The following CCDC170 variants were observed in gnomAD, a reference collection of about 807,000 sequenced individuals.
CCDC170 encodes coiled-coil domain-containing protein 170.
CCDC170 carries 69 observed loss-of-function variants against 72.6 expected under a neutral mutation model. The ratio of observed to expected loss-of-function variants is 0.95; its 90% CI spans 0.78 to 1.16. The LOEUF is 1.16. Among genes scored for constraint, CCDC170 ranks in the 50% most tolerant of loss-of-function variants. The pLI is 0.00. For synonymous variants in CCDC170, 300 were observed against 303.9 expected, an observed-to-expected ratio of 0.99 and a Z score of 0.13; for missense variants, 852 against 832.5, an observed-to-expected ratio of 1.02 and a Z score of -0.29.
At chr6:151,525,035 C>T (rs1583009288) in intron 1 of CCDC170, among the ~76,000 whole-genome samples, 1 of 150,828 alleles carries the variant, frequency 6.6e-6, no homozygotes, top group South Asian at 2.1e-4. Flanking sequence ...CAGGTTCACG[C>T]CATTCTCCTG....
chr6:151,533,250 T>C (rs112039661), intron 1 of CCDC170, among the ~76,000 whole-genome samples: 10,731 of 151,130 alleles, frequency 0.071, 1,196 homozygotes, highest in African/African-American at 0.24. Context: ...GAGACGGGGT[T>C]TCACCATGTT....
intron 1 of CCDC170, among the ~76,000 whole-genome samples, chr6:151,499,087 C>T (rs1224870285): frequency 7.2e-6 from 1 of 139,436 alleles, no homozygotes; most frequent in Non-Finnish European, 1.5e-5. Context: ...TGGAATCAGA[C>T]TGTATTTGAC....
At position 151,546,007 on chromosome 6, in the gene CCDC170, G is replaced by T. The variant is rs561235862; in HGVS notation, c.588+1291G>T. On this transcript the variant is annotated intron_variant, in intron 4 of 10. Coordinates refer to ENST00000239374, the MANE Select transcript of CCDC170 (RefSeq NM_025059.4). Reference sequence around the variant, plus strand: ...TGCCCGGGCTAGTCTCTAACTCCTGGGCTCAAGCGGTTCTCCCACCTTGGC... The same window carrying T: ...TGCCCGGGCTAGTCTCTAACTCCTGTGCTCAAGCGGTTCTCCCACCTTGGC... Among the ~76,000 whole-genome samples the T allele has an allele frequency of 3.9e-5, 6 of 151,976 alleles. No homozygotes were observed. The South Asian group carries it at 1.0e-3, about 26-fold the overall frequency.
intron 5 of CCDC170, among the ~76,000 whole-genome samples, chr6:151,566,886 A>G (rs1776144658): frequency 6.6e-6 from 1 of 152,160 alleles, no homozygotes; most frequent in African/African-American, 2.4e-5. Flanking sequence ...GGTTGGATTG[A>G]TGACAATGTT....
At position 151,593,203 on chromosome 6, in the gene CCDC170, C is replaced by G. The variant is rs201819308; in HGVS notation, c.1390C>G (p.Arg464Gly). The part of the protein sequence containing the change: ...FDMRLDVVLA[R>G]TEQLVRLESN... ...CATGCGGCTGGACGTGGTTTTAGCT[C>G]GAACAGAGCAGCTGGTTCGTCTTGA... The change falls in exon 8 of 11, where the codon CGA becomes GGA. Residue 464 changes from arginine (R) to glycine (G), a missense_variant. Physicochemically the swap from Arg to Gly is moderately radical, Grantham distance 125 (BLOSUM62 -2). Coordinates refer to ENST00000239374, the MANE Select transcript of CCDC170 (RefSeq NM_025059.4). 6 of 1,613,972 alleles carry G rather than the reference C, an allele frequency of 3.7e-6. No homozygotes were observed. Among genetic ancestry groups the G allele is most frequent in the East Asian group, 2.2e-5 (1 of 44,870 alleles).
At position 151,538,027 on chromosome 6, in the gene CCDC170, A is replaced by ATTTTT; in HGVS notation, c.187-18_187-17insTTTTT. ...GTTGTTAAGGTTTTTTTTTTTTTTA[A>ATTTTT]CTTCTTTTCCATGTTAGCTTCAAGA... On this transcript the variant is annotated splice_polypyrimidine_tract_variant and intron_variant, in intron 2 of 10. Coordinates refer to ENST00000239374, the MANE Select transcript of CCDC170 (RefSeq NM_025059.4). 9 of 1,519,088 alleles carry ATTTTT rather than the reference A, an allele frequency of 5.9e-6. No homozygotes were observed. The highest frequency in any genetic ancestry group is 2.4e-5 in the East Asian group (1 of 40,832). 94.1% of individuals were successfully genotyped at this position (1,519,088 alleles called of 1,614,324 possible).
intron 4 of CCDC170, among the ~76,000 whole-genome samples, chr6:151,545,938 T>C (rs1460802092): frequency 6.6e-6 from 1 of 152,026 alleles, no homozygotes; most frequent in South Asian, 2.1e-4. Context: ...CCAGCACCCA[T>C]GCATCATTTT....
intron 9 of CCDC170, among the ~76,000 whole-genome samples, chr6:151,603,448 G>A (rs1776739861): frequency 6.6e-6 from 1 of 152,112 alleles, no homozygotes; most frequent in Non-Finnish European, 1.5e-5. Flanking sequence ...ATTAGCCCAG[G>A]ATAACTACTA....
At chr6:151,526,830 A>G (rs1183862204) in intron 1 of CCDC170, among the ~76,000 whole-genome samples, 1 of 152,088 alleles carries the variant, frequency 6.6e-6, no homozygotes, top group African/African-American at 2.4e-5. Context: ...GACTCAGGGG[A>G]GCAAGAGTGT....
intron 1 of CCDC170, among the ~76,000 whole-genome samples, chr6:151,524,459 A>C (rs77942641): frequency 6.6e-6 from 1 of 152,222 alleles, no homozygotes; most frequent in African/African-American, 2.4e-5. Flanking sequence ...TGGAATTCAC[A>C]AACAGTTTTC....
Position 151,615,606 on chromosome 6 carries a change from T to C in CCDC170, c.1874T>C (p.Met625Thr). Residue 625 changes from methionine to threonine, a missense_variant, in exon 10 of 11, where the codon ATG (methionine) becomes ACG (threonine). Transcript: ENST00000239374. ...AKENKERARNMIEVVTSEMKT... is the reference protein window; with the variant it reads ...AKENKERARNTIEVVTSEMKT... ...GAGAATAAAGAAAGGGCCAGAAACA[T>C]GATAGAAGTGGTAACCAGTGAAATG... The C allele has an allele frequency of 6.2e-7, 1 of 1,613,970 alleles. No individual in the cohort carries two copies. Among genetic ancestry groups the C allele is most frequent in the African/African-American group, 1.3e-5 (1 of 75,002 alleles).
intron 7 of CCDC170, among the ~76,000 whole-genome samples, chr6:151,588,950 A>G (rs1776493642): frequency 6.6e-6 from 1 of 151,796 alleles, no homozygotes; most frequent in Admixed American, 6.6e-5. Flanking sequence ...CAAACAAACA[A>G]ACAAACAAAA....
At chr6:151,602,760 A>G (rs976742676) in intron 9 of CCDC170, among the ~76,000 whole-genome samples, 1 of 151,192 alleles carries the variant, frequency 6.6e-6, no homozygotes, top group African/African-American at 2.4e-5. Flanking sequence ...AGTCAATTAA[A>G]TTTATTTCTG....
chr6:151,567,889 G>T (rs76684768), intron 5 of CCDC170, among the ~76,000 whole-genome samples: 7,818 of 151,786 alleles, frequency 0.052, 296 homozygotes, highest in East Asian at 0.21. Flanking sequence ...CAGGCAGGCG[G>T]GTCACAAGGT....
chr6:151,596,347 A>G lies in CCDC170; in HGVS notation c.1480A>G (p.Lys494Glu), dbSNP rs372609914. Residue 494 changes from lysine to glutamate, a missense_variant, in exon 9 of 11, where the codon AAA becomes GAA. Physicochemically the swap from Lys to Glu is moderately conservative, Grantham distance 56. Transcript: ENST00000239374. ...TGCATCAAACCAGCTAAAGACACAG[A>G]AAGAGAGACTGGAGAGCAAAGAATT... ...HNLQRKLKTQ[K>E]ERLESKELHM... 1.2e-6 allele frequency: 2 copies of G among 1,612,328 alleles called. No homozygotes were observed. The highest frequency in any genetic ancestry group is 2.7e-5 in the African/African-American group (2 of 74,818).
At chr6:151,587,332 C>G (rs114156700) in intron 7 of CCDC170, among the ~76,000 whole-genome samples, 2 of 152,092 alleles carry the variant, frequency 1.3e-5, no homozygotes, top group South Asian at 4.2e-4. Context: ...GGAAGGGGAG[C>G]GACCTTCTAG....
In CCDC170 at chr6:151,564,644, G is replaced by T. The variant is rs1249306249; in HGVS notation, c.775-8530G>T. ...GCCAGGCCCTGCGCCTGCAGGTTGT[G>T]TGTGCAGGTGGGTGCCATCTGTGGT... is the stretch of plus-strand genomic sequence containing the variant. On this transcript the variant is annotated intron_variant, in intron 5 of 10. Coordinates refer to ENST00000239374, the MANE Select transcript of CCDC170 (RefSeq NM_025059.4). Among the ~76,000 whole-genome samples the T allele has an allele frequency of 2.0e-5, 3 of 152,196 alleles. 1 individual carries two copies. Among genetic ancestry groups the T allele is most frequent in the Admixed American group, 1.3e-4 (2 of 15,278 alleles).
chr6:151,573,345 G>C lies in CCDC170; in HGVS notation c.946G>C (p.Val316Leu). The change falls in exon 6 of 11, where the codon GTC (valine) becomes CTC (leucine). Residue 316 changes from valine to leucine, a missense_variant. Coordinates refer to ENST00000239374, the MANE Select transcript of CCDC170 (RefSeq NM_025059.4). ...EKSLKASQDA[V>L]TTSQSQYFSF... Reference sequence around the variant, plus strand: ...GAGTTTGAAGGCCAGTCAGGATGCAGTCACAACCTCACAAAGCCAGTACTT... The same window carrying C: ...GAGTTTGAAGGCCAGTCAGGATGCACTCACAACCTCACAAAGCCAGTACTT... 1 of 1,614,194 alleles carries C rather than the reference G, an allele frequency of 6.2e-7. No individual in the cohort carries two copies. The highest frequency in any genetic ancestry group is 8.5e-7 in the Non-Finnish European group (1 of 1,180,036).
At chr6:151,614,154 G>T (rs921988610) in intron 9 of CCDC170, among the ~76,000 whole-genome samples, 3 of 152,076 alleles carry the variant, frequency 2.0e-5, no homozygotes, top group African/African-American at 4.8e-5. Context: ...ATTATTAAGT[G>T]TACAATTCCA....
Sources: gnomAD v4.1 joint callset for allele counts (sites outside exome capture counted in the v4.1 genomes callset) on GRCh38, gnomAD v4.1.1 for gene constraint, MANE v1.5 for transcripts, NCBI Gene and HGNC (gene_info 2026-07-23, HGNC 2026-07-21) for gene names.